KCNIP4: variants seen among roughly 807,000 people sequenced by gnomAD.
The protein encoded by KCNIP4 is potassium voltage-gated channel interacting protein 4.
In KCNIP4, 12 loss-of-function variants were observed where a neutral mutation model predicts 34.0. The observed-to-expected ratio is 0.35, with a 90% CI of 0.23 to 0.57. The LOEUF is 0.57. Ranked by LOEUF, KCNIP4 falls within the 20% of genes least tolerant of loss-of-function variation. The pLI is 0.83. For missense variants in KCNIP4, 238 were observed against 311.7 expected (o/e 0.76, Z 1.78); for synonymous variants, 124 against 102.2 (o/e 1.21, Z -1.29).
At chr4:21,918,699 G>A (rs1269614902) in intron 1 of KCNIP4, among the ~76,000 whole-genome samples, 1 of 152,162 alleles carries the variant, frequency 6.6e-6, no homozygotes, top group Non-Finnish European at 1.5e-5. Context: ...TTCATAGGGA[G>A]AGGCCATTCA....
intron 1 of KCNIP4, among the ~76,000 whole-genome samples, chr4:21,880,914 A>T (rs577928116): frequency 2.6e-5 from 4 of 152,326 alleles, no homozygotes; most frequent in Non-Finnish European, 5.9e-5. Flanking sequence ...GGGCAAAACT[A>T]AACCAGAAGT....
At chr4:21,072,727 A>G (rs1014841063) in intron 1 of KCNIP4, among the ~76,000 whole-genome samples, 10 of 151,824 alleles carry the variant, frequency 6.6e-5, no homozygotes, top group South Asian at 2.1e-4. Context: ...GCCCATGCCT[A>G]TGTCCTGAAT....
At position 21,907,651 on chromosome 4, in the gene KCNIP4, T is replaced by C. The variant is rs868495953; in HGVS notation, c.61+40920A>G. 2.6e-5 allele frequency among the ~76,000 whole-genome samples: 4 copies of C among 152,274 alleles called. No individual in the cohort carries two copies. In the South Asian group the frequency reaches 8.3e-4, roughly 32 times the overall value. The stretch of plus-strand genomic sequence containing the variant: ...TTGCCTTTGAAACGAATTCAATAAA[T>C]TACACTGCAATCAGTAGTGTTTCTG... On this transcript the variant is annotated intron_variant, in intron 1 of 8. Transcript: ENST00000382152.
intron 1 of KCNIP4, among the ~76,000 whole-genome samples, chr4:21,151,155 C>G (rs1290640961): frequency 6.6e-6 from 1 of 152,118 alleles, no homozygotes; most frequent in Non-Finnish European, 1.5e-5. Flanking sequence ...AACCTTTGTT[C>G]TTTCACACAA....
At chr4:21,029,078 C>T (rs904853396) in intron 1 of KCNIP4, among the ~76,000 whole-genome samples, 3 of 152,164 alleles carry the variant, frequency 2.0e-5, no homozygotes, top group Non-Finnish European at 4.4e-5. Flanking sequence ...CACAAACATT[C>T]TACCAAGAAT....
At chr4:21,790,661 C>T (rs1188584432) in intron 1 of KCNIP4, among the ~76,000 whole-genome samples, 1 of 151,800 alleles carries the variant, frequency 6.6e-6, no homozygotes, top group Non-Finnish European at 1.5e-5. Context: ...TTAAAATTTC[C>T]ACACTGTACT....
At chr4:21,225,544 T>C (rs1303596695) in intron 1 of KCNIP4, among the ~76,000 whole-genome samples, 9 of 152,146 alleles carry the variant, frequency 5.9e-5, no homozygotes, top group Admixed American at 5.9e-4. Flanking sequence ...AGTATCCTGG[T>C]TTTTATAATA....
At chr4:21,530,081 C>G (rs972096210) in intron 1 of KCNIP4, among the ~76,000 whole-genome samples, 1 of 152,168 alleles carries the variant, frequency 6.6e-6, no homozygotes, top group African/African-American at 2.4e-5. Flanking sequence ...ATCTTCCAAA[C>G]AGCAGTATAA....
intron 1 of KCNIP4, among the ~76,000 whole-genome samples, chr4:21,134,880 G>A (rs1353335197): frequency 6.6e-6 from 1 of 152,174 alleles, no homozygotes; most frequent in African/African-American, 2.4e-5. Flanking sequence ...ACACAGCTAG[G>A]AAATGAGGGC....
At chr4:21,684,467 G>T (rs2109029826) in intron 1 of KCNIP4, among the ~76,000 whole-genome samples, 1 of 151,942 alleles carries the variant, frequency 6.6e-6, no homozygotes, top group African/African-American at 2.4e-5. Context: ...CTAAAACTAG[G>T]ACTTTAACAT....
chr4:20,751,333 C>CA (rs1461312236), intron 4 of KCNIP4, among the ~76,000 whole-genome samples: 18 of 152,272 alleles, frequency 1.2e-4, no homozygotes, highest in African/African-American at 3.9e-4. Flanking sequence ...AATTCTTTTG[C>CA]ATATGGAGCC....
At chr4:20,756,981 C>CT (rs1426116044) in intron 4 of KCNIP4, among the ~76,000 whole-genome samples, 3 of 152,100 alleles carry the variant, frequency 2.0e-5, no homozygotes, top group African/African-American at 7.2e-5. Context: ...TCTCAAATCT[C>CT]TATCTCTTTC....
At chr4:21,138,424 C>T (rs949188118) in intron 1 of KCNIP4, among the ~76,000 whole-genome samples, 3 of 152,194 alleles carry the variant, frequency 2.0e-5, no homozygotes, top group Non-Finnish European at 2.9e-5. Flanking sequence ...AGCATGCCAT[C>T]ATTCTTGTTC....
At chr4:20,954,603 C>T (rs1056727467) in intron 1 of KCNIP4, among the ~76,000 whole-genome samples, 9 of 152,104 alleles carry the variant, frequency 5.9e-5, no homozygotes, top group Non-Finnish European at 1.2e-4. Flanking sequence ...ATCTGCCAAG[C>T]GGGTCAGGCA....
chr4:21,501,273 CAT>C lies in KCNIP4; in HGVS notation c.61+447296_61+447297del, dbSNP rs752831423. 4.8e-3 allele frequency among the ~76,000 whole-genome samples: 729 copies of C among 151,074 alleles called. 8 individuals are homozygous for C. The highest frequency in any genetic ancestry group is 0.016 in the African/African-American group (659 of 40,982). ...TCACACACACACACACACACACACA[CAT>C]GCCATGTCCTAACTTGAGCAAATCA... On this transcript the variant is annotated intron_variant, in intron 1 of 8. Coordinates refer to ENST00000382152, the MANE Select transcript of KCNIP4 (RefSeq NM_025221.6).
chr4:21,106,329 G>A (rs1268527557), intron 1 of KCNIP4, among the ~76,000 whole-genome samples: 1 of 151,500 alleles, frequency 6.6e-6, no homozygotes, highest in Non-Finnish European at 1.5e-5. Context: ...TTGGGAGGAG[G>A]GTGTATGTGT....
intron 1 of KCNIP4, among the ~76,000 whole-genome samples, chr4:21,565,245 T>C (rs1220133203): frequency 6.6e-6 from 1 of 152,184 alleles, no homozygotes; most frequent in Non-Finnish European, 1.5e-5. Flanking sequence ...GCCCTCTTCC[T>C]GGCTTGCAGA....
chr4:21,242,204 C>T (rs899594260), intron 1 of KCNIP4, among the ~76,000 whole-genome samples: 9 of 147,694 alleles, frequency 6.1e-5, no homozygotes, highest in Non-Finnish European at 1.2e-4. Flanking sequence ...TTCTTATGTT[C>T]CTTAACTCTC....
intron 1 of KCNIP4, among the ~76,000 whole-genome samples, chr4:21,034,988 C>A (rs1324866448): frequency 6.6e-6 from 1 of 152,184 alleles, no homozygotes; most frequent in Non-Finnish European, 1.5e-5. Context: ...CGTGACAGCA[C>A]TTTACCATCC....
Sources: gnomAD v4.1 joint callset for allele counts (sites outside exome capture counted in the v4.1 genomes callset) on GRCh38, gnomAD v4.1.1 for gene constraint, MANE v1.5 for transcripts, NCBI Gene and HGNC (gene_info 2026-07-23, HGNC 2026-07-21) for gene names.